The following PRKCB variants were observed in gnomAD, a reference collection of about 807,000 sequenced individuals.
The protein encoded by PRKCB is protein kinase C beta type.
PRKCB carries 13 observed loss-of-function variants against 81.5 expected under a neutral mutation model. The observed-to-expected ratio is 0.16, with a 90% CI of 0.10 to 0.25. The LOEUF (loss-of-function observed/expected upper bound fraction) is 0.25. Among genes scored for constraint, PRKCB ranks in the 10% least tolerant of loss-of-function variants. PRKCB has a pLI of 1.00. For synonymous variants in PRKCB, 335 were observed against 321.4 expected, an observed-to-expected ratio of 1.04 and a Z score of -0.45; for missense variants, 509 against 875.7, an observed-to-expected ratio of 0.58 and a Z score of 5.29.
chr16:24,085,090 A>G (rs1211099175), intron 5 of PRKCB, among the ~76,000 whole-genome samples: 1 of 151,742 alleles, frequency 6.6e-6, no homozygotes, highest in Non-Finnish European at 1.5e-5. Flanking sequence ...AAACCGTAGC[A>G]ATGCACTGAT....
intron 12 of PRKCB, among the ~76,000 whole-genome samples, chr16:24,179,629 C>A (rs1333253086): frequency 6.6e-6 from 1 of 152,176 alleles, no homozygotes; most frequent in Non-Finnish European, 1.5e-5. Context: ...ATATCAAGCT[C>A]TTCTCATCAA....
At chr16:23,928,366 G>T (rs370374708) in intron 2 of PRKCB, among the ~76,000 whole-genome samples, 1 of 152,166 alleles carries the variant, frequency 6.6e-6, no homozygotes, top group East Asian at 1.9e-4. Flanking sequence ...GACCTCAGGT[G>T]ATCCACCCAC....
chr16:23,940,659 T>C (rs1262209607), intron 2 of PRKCB, among the ~76,000 whole-genome samples: 1 of 152,056 alleles, frequency 6.6e-6, no homozygotes, highest in African/African-American at 2.4e-5. Context: ...TATATTTATG[T>C]AACATATACA....
At chr16:23,990,824 AG>A (rs376357276) in intron 3 of PRKCB, among the ~76,000 whole-genome samples, 342 of 152,302 alleles carry the variant, frequency 2.2e-3, no homozygotes, top group African/African-American at 8.1e-3. Context: ...CTAGAATTAC[AG>A]GCATGAGTCA....
chr16:24,180,639 CT>C, intron 12 of PRKCB, 150 bp from the exon 13 acceptor site: 3 of 865,412 alleles, frequency 3.5e-6, no homozygotes, highest in Non-Finnish European at 5.4e-6. Flanking sequence ...CCCTGCCAGA[CT>C]GTAAGCTGTT....
At chr16:23,898,525 TATG>T (rs1451943738) in intron 2 of PRKCB, among the ~76,000 whole-genome samples, 1 of 152,136 alleles carries the variant, frequency 6.6e-6, no homozygotes, top group African/African-American at 2.4e-5. Flanking sequence ...CAATTACAGT[TATG>T]ATAAGTATTA....
intron 2 of PRKCB, among the ~76,000 whole-genome samples, chr16:23,944,362 A>G (rs1337878550): frequency 6.6e-6 from 1 of 152,252 alleles, no homozygotes; most frequent in Non-Finnish European, 1.5e-5. Context: ...TTTCTGAAAC[A>G]TTTTAAATTT....
chr16:24,046,601 G>A (rs1310172101), intron 5 of PRKCB, among the ~76,000 whole-genome samples: 5 of 152,148 alleles, frequency 3.3e-5, no homozygotes, highest in Non-Finnish European at 5.9e-5. Flanking sequence ...CCAGGCAGAG[G>A]GAGCGGCAGA....
At chr16:23,979,656 G>C (rs752405777) in intron 2 of PRKCB, among the ~76,000 whole-genome samples, 2 of 152,104 alleles carry the variant, frequency 1.3e-5, no homozygotes, top group African/African-American at 2.4e-5. Context: ...TGAGGAAAGC[G>C]GGGGAGGCTT....
chr16:24,114,904 C>T (rs1966719070), intron 8 of PRKCB, among the ~76,000 whole-genome samples: 1 of 151,636 alleles, frequency 6.6e-6, no homozygotes, highest in African/African-American at 2.4e-5. Context: ...AAAGAGAGGT[C>T]AGGTACCTTG....
chr16:24,101,319 G>A (rs1966504662), intron 7 of PRKCB, among the ~76,000 whole-genome samples: 1 of 152,214 alleles, frequency 6.6e-6, no homozygotes, highest in African/African-American at 2.4e-5. Flanking sequence ...GTGCCAAGGT[G>A]GGAGGATTGC....
chr16:24,183,443 CT>C (rs1967658088), intron 13 of PRKCB, among the ~76,000 whole-genome samples: 1 of 152,122 alleles, frequency 6.6e-6, no homozygotes, highest in Non-Finnish European at 1.5e-5. Context: ...GAATTTATTC[CT>C]GCTACTTAAC....
chr16:24,143,800 G>T lies in PRKCB; in HGVS notation c.1066-10884G>T, dbSNP rs150265281. Among the ~76,000 whole-genome samples the T allele has an allele frequency of 2.0e-3, 311 of 152,280 alleles. 5 individuals carry two copies. Among genetic ancestry groups the T allele is most frequent in the East Asian group, 9.6e-4 (5 of 5,184 alleles). On this transcript the variant is annotated intron_variant, in intron 9 of 16. Transcript: ENST00000643927. ...AAAGGTCTCTTTGTCTATTTTAGATGCACCATCTGAATTCAAGTTAGAATC... is the reference window on the plus strand; with the variant it reads ...AAAGGTCTCTTTGTCTATTTTAGATTCACCATCTGAATTCAAGTTAGAATC...
At chr16:23,865,141 A>T (rs942723772) in intron 2 of PRKCB, among the ~76,000 whole-genome samples, 9 of 152,154 alleles carry the variant, frequency 5.9e-5, no homozygotes, top group African/African-American at 1.9e-4. Context: ...CTCAGGGATG[A>T]CTATGAACAC....
chr16:23,926,486 AAAATAAATAAT>A (rs1597248837), intron 2 of PRKCB, among the ~76,000 whole-genome samples: 2 of 151,822 alleles, frequency 1.3e-5, no homozygotes, highest in East Asian at 3.8e-4. Context: ...TGTTTCAAAA[AAAATAAATAAT>A]AAATAAATAA....
intron 2 of PRKCB, among the ~76,000 whole-genome samples, chr16:23,889,454 A>C (rs1431855742): frequency 6.6e-6 from 1 of 152,246 alleles, no homozygotes; most frequent in Non-Finnish European, 1.5e-5. Context: ...AGCTATTAGC[A>C]TTATGGCATC....
At chr16:24,210,270 C>G (rs1968119337) in intron 16 of PRKCB, among the ~76,000 whole-genome samples, 5 of 152,112 alleles carry the variant, frequency 3.3e-5, no homozygotes, top group Admixed American at 3.3e-4. Context: ...CTGTGTGGCC[C>G]CTTGGTCACT....
chr16:24,027,419 T>C (rs1438475310), intron 3 of PRKCB, among the ~76,000 whole-genome samples: 2 of 152,158 alleles, frequency 1.3e-5, no homozygotes, highest in Admixed American at 6.5e-5. Flanking sequence ...GAGACATGGC[T>C]GGTTAAGCTG....
At chr16:23,983,659 A>G (rs1964766563) in intron 2 of PRKCB, among the ~76,000 whole-genome samples, 1 of 152,152 alleles carries the variant, frequency 6.6e-6, no homozygotes, top group Non-Finnish European at 1.5e-5. Context: ...AGGAGACTAG[A>G]GATGAGCTAT....
Sources: gnomAD v4.1 joint callset for allele counts (sites outside exome capture counted in the v4.1 genomes callset) on GRCh38, gnomAD v4.1.1 for gene constraint, MANE v1.5 for transcripts, NCBI Gene and HGNC (gene_info 2026-07-23, HGNC 2026-07-21) for gene names.